DACT2: variants seen among roughly 807,000 people sequenced by gnomAD.
The protein encoded by DACT2 is dishevelled binding antagonist of beta catenin 2, also known as dapper homolog 2.
In DACT2, 20 loss-of-function variants were observed where a neutral mutation model predicts 22.2. The ratio of observed to expected loss-of-function variants is 0.90; its 90% CI spans 0.63 to 1.31. The LOEUF is 1.31. Ranked by LOEUF, DACT2 falls within the 50% of genes most tolerant of loss-of-function variation. The probability of loss-of-function intolerance (pLI) is 0.00; values close to 1 mark genes in which losing one functional copy is unlikely to be tolerated. For missense variants in DACT2, 1,048 were observed against 1,061.4 expected, an observed-to-expected ratio of 0.99 and a Z score of 0.18; for synonymous variants, 463 against 479.8, an observed-to-expected ratio of 0.96 and a Z score of 0.46.
downstream of DACT2, among the ~76,000 whole-genome samples, chr6:168,305,607 G>A (rs575437497): frequency 8.3e-4 from 108 of 130,502 alleles, no homozygotes; most frequent in South Asian, 1.5e-3. Context: ...TCTTCAGCCC[G>A]GTAGCTACAA....
downstream of DACT2, among the ~76,000 whole-genome samples, chr6:168,302,787 C>T (rs906694703): frequency 6.6e-6 from 1 of 152,184 alleles, no homozygotes; most frequent in Non-Finnish European, 1.5e-5. Flanking sequence ...AAAGAACACA[C>T]CCTGTGTATG....
intron 3 of DACT2, chr6:168,294,749 A>G: frequency 7.0e-6 from 7 of 996,724 alleles, no homozygotes; most frequent in Non-Finnish European, 9.5e-6. Flanking sequence ...TACAGAACAC[A>G]CCTGCAGCTT....
intron 1 of DACT2, among the ~76,000 whole-genome samples, chr6:168,311,597 T>TCACACACAAATAC (rs1554271725): frequency 1.0e-5 from 1 of 100,464 alleles, no homozygotes; most frequent in Non-Finnish European, 2.1e-5. Context: ...CACACACACA[T>TCACACACAAATAC]ACACACACAC....
At chr6:168,306,697 G>A (rs906559570), downstream of DACT2, among the ~76,000 whole-genome samples, 3 of 151,536 alleles carry the variant, frequency 2.0e-5, no homozygotes, top group Admixed American at 6.6e-5. Flanking sequence ...TGATCCACCC[G>A]CCTTGTCTTC....
At chr6:168,296,085 C>G (rs1337504377) in intron 3 of DACT2, among the ~76,000 whole-genome samples, 1 of 94,334 alleles carries the variant, frequency 1.1e-5, no homozygotes, top group African/African-American at 7.2e-5. Flanking sequence ...GGAGGACAGG[C>G]ACCCAGAATC....
rs1464493679 is a variant in DACT2 at position 168,319,622 on chromosome 6, C to A, written c.12G>T (p.Pro4=). The change falls in exon 1 of 4, where the codon CCG becomes CCT. Residue 4 remains proline (P), a synonymous_variant. Coordinates refer to ENST00000366795, the MANE Select transcript of DACT2 (RefSeq NM_214462.5). MWT[P]GGPPGSAGWD... is the part of the protein sequence containing the mutation. The stretch of plus-strand genomic sequence containing the variant: ...AGCCCGCGGACCCCGGGGGTCCGCC[C>A]GGCGTCCACATCTCCCGGGCAGGGT... The A allele has an allele frequency of 1.8e-5, 23 of 1,299,570 alleles. No individual in the cohort carries two copies. The highest frequency in any genetic ancestry group is 2.2e-5 in the Non-Finnish European group (23 of 1,022,630). 80.5% of individuals were successfully genotyped at this position (1,299,570 alleles called of 1,614,324 possible). A position where few individuals can be genotyped will look rare whatever the true frequency, so the allele number is the denominator to read the frequency against.
At chr6:168,300,059 G>T (rs1220773736) in intron 3 of DACT2, 1 of 152,200 alleles carries the variant, frequency 6.6e-6, no homozygotes, top group East Asian at 1.9e-4. Flanking sequence ...AGTGTCTTCC[G>T]GGCAGACTTC....
In DACT2 at chr6:168,311,205, T is replaced by A; in HGVS notation, c.326A>T (p.Asp109Val). The change falls in exon 2 of 4, where the codon GAT (aspartate) becomes GTT (valine). Residue 109 changes from aspartate to valine, a missense_variant. Coordinates refer to ENST00000366795, the MANE Select transcript of DACT2 (RefSeq NM_214462.5). ...LDLQISKLQLDVGTASGEALD... is the reference protein window; with the variant it reads ...LDLQISKLQLVVGTASGEALD... Reference sequence around the variant, plus strand: ...GGCCTCCCCTGAGGCTGTGCCCACATCCAGCTGCAGCTTGCTAATCTGCAG... The same window carrying A: ...GGCCTCCCCTGAGGCTGTGCCCACAACCAGCTGCAGCTTGCTAATCTGCAG... 1 of 1,550,046 alleles carries A rather than the reference T, an allele frequency of 6.5e-7. No homozygotes were observed. The highest frequency in any genetic ancestry group is 8.7e-7 in the Non-Finnish European group (1 of 1,145,858).
downstream of DACT2, among the ~76,000 whole-genome samples, chr6:168,304,131 C>T (rs368553918): frequency 1.6e-3 from 250 of 152,344 alleles, no homozygotes; most frequent in Middle Eastern, 3.4e-3. Flanking sequence ...TGTCTTCCAA[C>T]GCACTTGAAG....
chr6:168,300,813 C>T (rs946327662), intron 3 of DACT2, among the ~76,000 whole-genome samples: 3 of 151,894 alleles, frequency 2.0e-5, no homozygotes, highest in Non-Finnish European at 4.4e-5. Flanking sequence ...GGTGAAACCC[C>T]GTCTATGCTA....
chr6:168,294,123 G>A (rs1778957985), intron 5 of DACT2: 2 of 702,870 alleles, frequency 2.8e-6, no homozygotes, highest in Admixed American at 4.0e-5. Flanking sequence ...AGTGAGCATG[G>A]AGCACTTACC....
At chr6:168,311,551 T>TACACACACTCACACACAAAC (rs1779404847) in intron 1 of DACT2, among the ~76,000 whole-genome samples, 1 of 97,826 alleles carries the variant, frequency 1.0e-5, no homozygotes, top group African/African-American at 4.1e-5. Context: ...CACACACACA[T>TACACACACTCACACACAAAC]ACACACACTC....
chr6:168,297,529 T>C (rs1779028857), intron 3 of DACT2, among the ~76,000 whole-genome samples: 1 of 152,148 alleles, frequency 6.6e-6, no homozygotes, highest in Non-Finnish European at 1.5e-5. Context: ...GCTTCTTCCC[T>C]AGAACCTCCG....
intron 1 of DACT2, among the ~76,000 whole-genome samples, chr6:168,319,003 G>T (rs945453591): frequency 2.6e-5 from 4 of 152,030 alleles, no homozygotes; most frequent in Non-Finnish European, 5.9e-5. Flanking sequence ...CCAGGATCCC[G>T]AGCCGACCTC....
rs575312589 is a variant in DACT2, at chr6:168,309,028, C to G, written c.729G>C (p.Gly243=). Residue 243 remains glycine (G), a synonymous_variant, in exon 4 of 4, where the codon GGG becomes GGC. Transcript: ENST00000366795. ...QKASADAELL[G]LLCQGVDIPL... is the part of the protein sequence containing the mutation. ...GGATATCCACCCCCTGGCAGAGGAG[C>G]CCGAGGAGCTCGGCGTCCGCGCTGG... 2.6e-6 allele frequency: 4 copies of G among 1,546,538 alleles called. No homozygotes were observed. Among genetic ancestry groups the G allele is most frequent in the Non-Finnish European group, 1.7e-6 (2 of 1,146,678 alleles).
chr6:168,309,561 G>A (rs752607582), intron 3 of DACT2, among the ~76,000 whole-genome samples: 8 of 121,730 alleles, frequency 6.6e-5, no homozygotes, highest in South Asian at 2.6e-4. Flanking sequence ...CCAGTTCAGC[G>A]CCCTCATTTC....
chr6:168,318,971 G>A (rs1208028041), intron 1 of DACT2, among the ~76,000 whole-genome samples: 1 of 12,878 alleles, frequency 7.8e-5, no homozygotes, highest in Non-Finnish European at 1.2e-4. Context: ...GGGGGGACCT[G>A]GTCCCCGGGG....
In DACT2 at chr6:168,293,800, A is replaced by G. The variant is rs1382446719; in HGVS notation, c.*94T>C. On this transcript the variant is annotated 3_prime_UTR_variant, in exon 6 of 6. Coordinates refer to the DACT2 transcript ENST00000366796. ...CTTGGCGGGCAGAGGGGGGCCGATG[A>G]TATCGGGAGAAGAAGCTGGGCCTGT... The G allele has an allele frequency of 5.7e-6, 4 of 698,182 alleles. No homozygotes were observed. In the East Asian group the frequency reaches 1.1e-4, roughly 19 times the overall value. The allele number at this position is 698,182 out of a possible 1,614,324, so 43.2% of individuals were successfully genotyped here. A position where few individuals can be genotyped will look rare whatever the true frequency, so the allele number is the denominator to read the frequency against.
chr6:168,299,126 A>G (rs559280945), intron 3 of DACT2: 1 of 152,198 alleles, frequency 6.6e-6, no homozygotes, highest in African/African-American at 2.4e-5. Context: ...TTAATAAATT[A>G]CTATTTTCCC....
Sources: allele counts gnomAD v4.1 joint callset (sites outside exome capture counted in the v4.1 genomes callset), GRCh38; gene constraint gnomAD v4.1.1; transcripts MANE v1.5; gene names NCBI Gene and HGNC (gene_info 2026-07-23, HGNC 2026-07-21).